Variants in SLC12A7 observed in about 807,000 individuals in gnomAD.
The protein encoded by SLC12A7 is solute carrier family 12 member 7.
SLC12A7 carries 100 observed loss-of-function variants against 120.6 expected under a neutral mutation model. The ratio of observed to expected loss-of-function variants is 0.83; its 90% CI spans 0.71 to 0.98. The LOEUF (loss-of-function observed/expected upper bound fraction) is 0.98, where lower values mean the gene tolerates loss of function less well. Ranked by LOEUF, SLC12A7 falls within the 50% of genes least tolerant of loss-of-function variation. The pLI is 0.00. For missense variants in SLC12A7, 1,373 were observed against 1,548.1 expected, an observed-to-expected ratio of 0.89 and a Z score of 1.90; for synonymous variants, 760 against 678.0, an observed-to-expected ratio of 1.12 and a Z score of -1.88.
At chr5:1,125,467 A>C in the SLC12A7 span, among the ~76,000 whole-genome samples, 1 of 152,156 alleles carries the variant, frequency 6.6e-6, no homozygotes, top group African/African-American at 2.4e-5. Flanking sequence ...ACATGTTAGA[A>C]ATTGTACTGC....
rs751274051 is a variant in SLC12A7, at chr5:1,095,006, C to T, written c.125-758G>A. 5.3e-3 allele frequency among the ~76,000 whole-genome samples: 419 copies of T among 78,546 alleles called. 3 individuals are homozygous for T. The highest frequency in any genetic ancestry group is 0.037 in the Middle Eastern group (5 of 134). The allele number at this position is 78,546 out of a possible 152,430, so 51.5% of individuals were successfully genotyped here. A position where few individuals can be genotyped will look rare whatever the true frequency, so the allele number is the denominator to read the frequency against. ...ATGTGACGGTGTTAGAAGATAGGGT[C>T]GGTAGGAGGTGGGGGCGGTAGGAGG... On this transcript the variant is annotated intron_variant, in intron 1 of 23. Transcript: ENST00000264930.
In SLC12A7 at chr5:1,108,234, A is replaced by G. The variant is rs146594184; in HGVS notation, c.124+3634T>C. On this transcript the variant is annotated intron_variant, in intron 1 of 23. Coordinates refer to ENST00000264930, the MANE Select transcript of SLC12A7 (RefSeq NM_006598.3). ...GACCTAAAGCACCATGCTTTACCGC[A>G]TGCCTGCTAAGGAGAGCCTCTTGCC... is the stretch of plus-strand genomic sequence containing the variant. Among the ~76,000 whole-genome samples the G allele has an allele frequency of 3.6e-3, 553 of 152,356 alleles. 3 individuals carry two copies. Among genetic ancestry groups the G allele is most frequent in the African/African-American group, 0.013 (523 of 41,576 alleles).
chr5:1,085,558 AG>A lies in SLC12A7; in HGVS notation c.676-86del, dbSNP rs1739752912. The A allele has an allele frequency of 4.7e-6, 7 of 1,474,116 alleles. No individual in the cohort carries two copies. The South Asian group carries it at 8.1e-5, about 17-fold the overall frequency. The allele number at this position is 1,474,116 out of a possible 1,614,324, so 91.3% of individuals were successfully genotyped here. A position where few individuals can be genotyped will look rare whatever the true frequency, so the allele number is the denominator to read the frequency against. ...CTCCCGCAAGCCCCCAGCGCCACAC[AG>A]GGGCCTCCTCCCAACAGGTGCCGGG... On this transcript the variant is annotated intron_variant, in intron 6 of 23. Transcript: ENST00000264930.
chr5:1,055,285 G>A (rs926201954), intron 22 of SLC12A7, among the ~76,000 whole-genome samples: 1 of 152,232 alleles, frequency 6.6e-6, no homozygotes, highest in Non-Finnish European at 1.5e-5. Flanking sequence ...GACATGCATA[G>A]TATGTGCACA....
the SLC12A7 span, among the ~76,000 whole-genome samples, chr5:1,124,178 T>C: frequency 1.3e-5 from 2 of 152,162 alleles, no homozygotes; most frequent in Non-Finnish European, 2.9e-5. Context: ...GCTAGATTCG[T>C]CCTCAGGGAC....
chr5:1,065,307 G>T lies in SLC12A7; in HGVS notation c.2413C>A (p.Pro805Thr). The change falls in exon 18 of 24, where the codon CCC (proline) becomes ACC (threonine). Residue 805 changes from proline (P) to threonine (T), a missense_variant. By Grantham distance (38) the Pro-to-Thr change is conservative. Transcript: ENST00000264930. ...CCCACAAAGTTCTTCCAGGAGAAGG[G>T]GTTGTCCTCCTGCTTCCAGGATGCG... ...WPASWKQEDN[P>T]FSWKNFVDTV... 1 of 1,579,560 alleles carries T rather than the reference G, an allele frequency of 6.3e-7. No homozygotes were observed. Among genetic ancestry groups the T allele is most frequent in the East Asian group, 2.3e-5 (1 of 43,922 alleles).
At chr5:1,084,615 G>GC (rs1331080459) in intron 7 of SLC12A7, among the ~76,000 whole-genome samples, 1 of 152,240 alleles carries the variant, frequency 6.6e-6, no homozygotes, top group Non-Finnish European at 1.5e-5. Flanking sequence ...GGGCAGCTGT[G>GC]CTTCCCTAAA....
chr5:1,101,873 G>A (rs1013449891), intron 1 of SLC12A7, among the ~76,000 whole-genome samples: 3 of 150,538 alleles, frequency 2.0e-5, no homozygotes, highest in African/African-American at 7.3e-5. Flanking sequence ...GCAAGAGAAC[G>A]TCTATCTGCT....
At chr5:1,146,326 T>C in the SLC12A7 span, among the ~76,000 whole-genome samples, 3 of 150,968 alleles carry the variant, frequency 2.0e-5, no homozygotes, top group African/African-American at 7.3e-5. This position sits in a 1 kb window ranked among gnomAD's most constrained non-coding sequence, Gnocchi z 6.5. Flanking sequence ...CCCCTGGAGG[T>C]GACCACCTGG....
chr5:1,123,689 C>T, the SLC12A7 span, among the ~76,000 whole-genome samples: 1 of 152,242 alleles, frequency 6.6e-6, no homozygotes, highest in Non-Finnish European at 1.5e-5. Context: ...GGAGGACACA[C>T]GTCACGTGTG....
chr5:1,138,051 T>C, the SLC12A7 span, among the ~76,000 whole-genome samples: 180 of 152,332 alleles, frequency 1.2e-3, 1 homozygote, highest in African/African-American at 4.1e-3. Context: ...TCACGCTGTG[T>C]CCAGAGTTGG....
the SLC12A7 span, among the ~76,000 whole-genome samples, chr5:1,127,317 G>A: frequency 1.3e-4 from 20 of 152,232 alleles, no homozygotes; most frequent in Non-Finnish European, 1.3e-4. Context: ...CTGGCCGACT[G>A]ATGTCCTTAT....
chr5:1,081,005 GAGAC>G (rs1197459231), intron 9 of SLC12A7, among the ~76,000 whole-genome samples: 30 of 63,764 alleles, frequency 4.7e-4, no homozygotes, highest in African/African-American at 8.2e-4. Context: ...GACAGAGAGA[GAGAC>G]AGACAGACAG....
chr5:1,088,471 A>G (rs1740133350), intron 4 of SLC12A7, 111 bp from the exon 5 acceptor site: 1 of 1,141,508 alleles, frequency 8.8e-7, no homozygotes, highest in Non-Finnish European at 1.3e-6. Context: ...CCAGCCCCCA[A>G]CTCCAGGGCT....
At chr5:1,092,440 ACCTCCTTCCTT>A (rs1454121791) in intron 3 of SLC12A7, among the ~76,000 whole-genome samples, 1 of 152,078 alleles carries the variant, frequency 6.6e-6, no homozygotes, top group Non-Finnish European at 1.5e-5. Context: ...CTGGCTCAGC[ACCTCCTTCCTT>A]CCTGCTCACT....
At chr5:1,155,413 G>A in the SLC12A7 span, among the ~76,000 whole-genome samples, 15 of 152,126 alleles carry the variant, frequency 9.9e-5, no homozygotes, top group African/African-American at 3.4e-4. Flanking sequence ...AGGGCGCCCC[G>A]GGAGCTGTCG....
chr5:1,134,244 C>T, the SLC12A7 span, among the ~76,000 whole-genome samples: 22 of 152,030 alleles, frequency 1.4e-4, no homozygotes, highest in African/African-American at 5.1e-4. Context: ...CCAAGGTGGG[C>T]GGATCACCTG....
intron 21 of SLC12A7, 42 bp downstream of exon 21, chr5:1,060,302 T>G (rs1736049491): frequency 2.0e-6 from 3 of 1,479,000 alleles, no homozygotes; most frequent in Non-Finnish European, 2.8e-6. Context: ...TCGGCTATAC[T>G]TCTCAGAAAG....
chr5:1,075,230 G>A lies in SLC12A7; in HGVS notation c.1967+141C>T, dbSNP rs965932352. ...CAGCTTTCACAACACAGCCCACCTGGACGTGCTCCCAGCTGCCCCTGTGAG... is the reference window on the plus strand; with the variant it reads ...CAGCTTTCACAACACAGCCCACCTGAACGTGCTCCCAGCTGCCCCTGTGAG... On this transcript the variant is annotated intron_variant, in intron 15 of 23. Coordinates refer to ENST00000264930, the MANE Select transcript of SLC12A7 (RefSeq NM_006598.3). The A allele has an allele frequency of 5.8e-5, 70 of 1,217,146 alleles. No individual in the cohort carries two copies. In the Admixed American group the frequency reaches 1.9e-3, roughly 32 times the overall value. The allele number at this position is 1,217,146 out of a possible 1,614,324, so 75.4% of individuals were successfully genotyped here. A position where few individuals can be genotyped will look rare whatever the true frequency, so the allele number is the denominator to read the frequency against.
Sources: gnomAD v4.1 joint callset for allele counts (sites outside exome capture counted in the v4.1 genomes callset) on GRCh38, gnomAD v4.1.1 for gene constraint, Gnocchi (gnomAD v3.1) non-coding constraint, MANE v1.5 for transcripts, NCBI Gene and HGNC (gene_info 2026-07-23, HGNC 2026-07-21) for gene names.